Variants in SHROOM2 observed in about 807,000 individuals in gnomAD.
SHROOM2 encodes protein Shroom2.
A neutral mutation model predicts 75.9 loss-of-function variants in SHROOM2; 33 were observed. That is an observed-to-expected ratio of 0.43 (90% CI 0.33 to 0.58). SHROOM2 has a LOEUF of 0.58. SHROOM2 is among the 20% of genes least tolerant of loss of function. The pLI is 0.04. For missense variants in SHROOM2, 1,434 were observed against 1,461.2 expected (o/e 0.98, Z 0.30); for synonymous variants, 655 against 663.6 (o/e 0.99, Z 0.20).
intron 1 of SHROOM2, among the ~76,000 whole-genome samples, chrX:9,867,047 G>A (rs1419330552): frequency 1.8e-5 from 2 of 110,797 alleles, no homozygotes; most frequent in South Asian, 3.9e-4. Context: ...CTGCTCCCCC[G>A]CTGCACTCAG....
Position 9,894,893 on chromosome X carries a change from A to G in SHROOM2, c.985A>G (p.Thr329Ala). 1 of 1,209,436 alleles carries G rather than the reference A, an allele frequency of 8.3e-7. No individual in the cohort carries two copies. The highest frequency in any genetic ancestry group is 1.1e-6 in the Non-Finnish European group (1 of 894,683). ...TCTCCGCAGTGACAGCTTTGCTGCC[A>G]CCAAGAGCCACGAGAAGGCCCAGGG... Reference protein sequence around the residue: ...PPLRSDSFAATKSHEKAQGPV... With the variant: ...PPLRSDSFAAAKSHEKAQGPV... Residue 329 changes from threonine to alanine, a missense_variant, in exon 4 of 10, where the codon ACC becomes GCC. This residue lies in a region of SHROOM2 where 1,340 missense variants were observed against 1,338.3 expected (regional missense o/e 1.00). Transcript: ENST00000380913.
At chrX:9,835,158 CTCATA>C (rs756568379) in intron 1 of SHROOM2, among the ~76,000 whole-genome samples, 1 of 112,642 alleles carries the variant, frequency 8.9e-6, no homozygotes, top group Non-Finnish European at 1.9e-5. Flanking sequence ...ATAGAGTGAC[CTCATA>C]TCATTTCAAA....
At chrX:9,943,861 CT>C (rs1300002692) in intron 8 of SHROOM2, among the ~76,000 whole-genome samples, 1 of 109,844 alleles carries the variant, frequency 9.1e-6, no homozygotes, top group African/African-American at 3.3e-5. Context: ...AATTTTTTTT[CT>C]TTTTTTTTCT....
chrX:9,898,027 CCAGAA>C (rs2084344038), intron 4 of SHROOM2, 158 bp from the exon 5 acceptor site: 5 of 488,402 alleles, frequency 1.0e-5, no homozygotes, highest in Non-Finnish European at 1.9e-5. Flanking sequence ...TGTTTCCTGC[CCAGAA>C]CAGAAGTGGA....
intron 5 of SHROOM2, chrX:9,913,020 T>A (rs956146788): frequency 1.2e-4 from 14 of 112,431 alleles, no homozygotes; most frequent in African/African-American, 4.5e-4. Flanking sequence ...CGTAGAGCCA[T>A]CATCTGCTCT....
intron 9 of SHROOM2, 82 bp from the exon 10 acceptor site, chrX:9,946,589 A>G: frequency 1.0e-6 from 1 of 970,940 alleles, no homozygotes; most frequent in South Asian, 2.3e-5. Flanking sequence ...GGACCAGCCC[A>G]CAAGTTGCCA....
intron 1 of SHROOM2, among the ~76,000 whole-genome samples, chrX:9,848,683 A>G (rs968021215): frequency 2.7e-5 from 3 of 110,338 alleles, no homozygotes; most frequent in Admixed American, 9.7e-5. Context: ...AGCCCTAAGC[A>G]TGTTACCTCA....
At chrX:9,844,963 T>C in intron 1 of SHROOM2, among the ~76,000 whole-genome samples, 1 of 111,850 alleles carries the variant, frequency 8.9e-6, no homozygotes, top group Admixed American at 9.5e-5. Flanking sequence ...AATCTCCTGA[T>C]GCTGGATTTG....
intron 3 of SHROOM2, among the ~76,000 whole-genome samples, chrX:9,892,067 C>A (rs1258681875): frequency 9.2e-6 from 1 of 108,972 alleles, no homozygotes; most frequent in African/African-American, 3.3e-5. Flanking sequence ...CCCGGGACAA[C>A]ACAGCAAGAC....
At chrX:9,799,493 T>A (rs928654579) in intron 1 of SHROOM2, among the ~76,000 whole-genome samples, 3 of 111,317 alleles carry the variant, frequency 2.7e-5, no homozygotes, top group Non-Finnish European at 5.6e-5. Flanking sequence ...ATTCTTAAAT[T>A]ACCCATTAAT....
In SHROOM2 at chrX:9,898,255, C is replaced by T. The variant is rs1462919821; in HGVS notation, c.2856C>T (p.Ser952=). 7 of 1,183,149 alleles carry T rather than the reference C, an allele frequency of 5.9e-6. No individual in the cohort carries two copies. Among genetic ancestry groups the T allele is most frequent in the East Asian group, 3.1e-5 (1 of 32,519 alleles). The change falls in exon 5 of 10, where the codon TCC becomes TCT. Residue 952 remains serine (S), a synonymous_variant. Transcript: ENST00000380913. ...DPGEPREELP[S]AVRAEEGQST... ...GCGAGCCCAGAGAAGAGCTTCCCTC[C>T]GCAGTCCGGGCCGAGGAGGGACAGT...
At chrX:9,873,126 G>T (rs1418209326) in intron 1 of SHROOM2, among the ~76,000 whole-genome samples, 1 of 112,126 alleles carries the variant, frequency 8.9e-6, no homozygotes. Flanking sequence ...AGAGGCTGGA[G>T]GGATTGGAAA....
chrX:9,833,382 C>A (rs776231366), intron 1 of SHROOM2, among the ~76,000 whole-genome samples: 42 of 111,930 alleles, frequency 3.8e-4, no homozygotes, highest in Admixed American at 1.0e-3. Context: ...GCTGGAAATT[C>A]TCTTCTCCTA....
intron 1 of SHROOM2, among the ~76,000 whole-genome samples, chrX:9,848,095 T>C (rs1427813256): frequency 8.9e-6 from 1 of 112,056 alleles, no homozygotes; most frequent in East Asian, 2.8e-4. Context: ...ACATGTTGCA[T>C]AGATTTGCAG....
chrX:9,852,724 A>G (rs1359681941), intron 1 of SHROOM2, among the ~76,000 whole-genome samples: 1 of 113,071 alleles, frequency 8.8e-6, no homozygotes, highest in Non-Finnish European at 1.9e-5. Flanking sequence ...TGCAATAAAA[A>G]TGATGATTGT....
At chrX:9,802,897 A>T (rs1452891598) in intron 1 of SHROOM2, among the ~76,000 whole-genome samples, 1 of 106,392 alleles carries the variant, frequency 9.4e-6, no homozygotes, top group African/African-American at 3.5e-5. Context: ...TGAAGTCTCC[A>T]TCTGGGTGAC....
At chrX:9,924,541 A>G (rs1001765645) in intron 5 of SHROOM2, among the ~76,000 whole-genome samples, 20 of 110,356 alleles carry the variant, frequency 1.8e-4, no homozygotes, top group Non-Finnish European at 3.2e-4. Context: ...TTTTTTGTAG[A>G]GACAGGGTCT....
chrX:9,898,823 A>G (rs1442470341), intron 5 of SHROOM2, among the ~76,000 whole-genome samples: 2 of 112,114 alleles, frequency 1.8e-5, no homozygotes, highest in African/African-American at 3.2e-5. Context: ...GTCACCTCCC[A>G]AAGAGAGGCT....
Position 9,889,692 on chromosome X carries a change from G to A in SHROOM2, c.318-1285G>A, listed in dbSNP as rs4830670. Among the ~76,000 whole-genome samples the A allele has an allele frequency of 3.6e-3, 405 of 112,297 alleles. 8 individuals are homozygous for A. Among genetic ancestry groups the A allele is most frequent in the Admixed American group, 0.035 (369 of 10,633 alleles). On this transcript the variant is annotated intron_variant, in intron 2 of 9. Transcript: ENST00000380913. ...CAGGAAAGCTCGTCCATATTCAGGA[G>A]CCCTGGCTGAAGGGACTTTAGCCTT...
Sources: allele counts gnomAD v4.1 joint callset (sites outside exome capture counted in the v4.1 genomes callset), GRCh38; gene constraint gnomAD v4.1.1; regional missense constraint gnomAD v4.1.1; transcripts MANE v1.5; gene names NCBI Gene and HGNC (gene_info 2026-07-23, HGNC 2026-07-21).